The following ELOVL5 variants were observed in gnomAD, a reference collection of about 807,000 sequenced individuals.
ELOVL5 encodes the protein very long chain fatty acid elongase 5.
ELOVL5 carries 8 observed loss-of-function variants against 38.6 expected under a neutral mutation model. The observed-to-expected ratio is 0.21, with a 90% CI of 0.12 to 0.37. The LOEUF (loss-of-function observed/expected upper bound fraction) is 0.37, where lower values mean the gene tolerates loss of function less well. Among genes scored for constraint, ELOVL5 ranks in the 10% least tolerant of loss-of-function variants. The probability of loss-of-function intolerance (pLI) is 1.00; values close to 1 mark genes in which losing one functional copy is unlikely to be tolerated. For synonymous variants in ELOVL5, 127 were observed against 133.7 expected, an observed-to-expected ratio of 0.95 and a Z score of 0.34; for missense variants, 280 against 367.8, an observed-to-expected ratio of 0.76 and a Z score of 1.95.
chr6:53,275,655 T>C (rs1446917800), intron 4 of ELOVL5, among the ~76,000 whole-genome samples: 1 of 152,158 alleles, frequency 6.6e-6, no homozygotes, highest in East Asian at 1.9e-4. Flanking sequence ...GGGACTAACA[T>C]GGAGCAGCCG....
intron 1 of ELOVL5, among the ~76,000 whole-genome samples, chr6:53,339,681 C>T (rs552434378): frequency 1.3e-5 from 2 of 152,300 alleles, no homozygotes; most frequent in Admixed American, 6.5e-5. Flanking sequence ...TACTGCATAG[C>T]TAGACCTGTA....
chr6:53,305,179 C>T lies in ELOVL5; in HGVS notation c.-8-9472G>A, dbSNP rs1311566098. Among the ~76,000 whole-genome samples, 5 of 148,718 alleles carry T rather than the reference C, an allele frequency of 3.4e-5. 1 individual carries two copies. The highest frequency in any genetic ancestry group is 6.7e-3 in the Middle Eastern group (2 of 300). ...CTGACCCCCCCACCTCCCTCCCGGA[C>T]GGGGCGGCTGGCTGGGCGCGGGGCT... On this transcript the variant is annotated intron_variant, in intron 1 of 7. Coordinates refer to ENST00000304434, the MANE Select transcript of ELOVL5 (RefSeq NM_021814.5).
In ELOVL5 at chr6:53,273,215, C is replaced by T; in HGVS notation, c.621+5G>A. The T allele has an allele frequency of 6.2e-7, 1 of 1,613,546 alleles. No individual in the cohort carries two copies. Among genetic ancestry groups the T allele is most frequent in the Non-Finnish European group, 8.5e-7 (1 of 1,179,628 alleles). On this transcript the variant is annotated splice_donor_5th_base_variant and intron_variant, in intron 6 of 7. Transcript: ENST00000304434. Reference sequence around the variant, plus strand: ...AGTCCTGGGGAAAGAGGCCAAGTCACTCACCAGCTGCCCCTGAGTGATGTA... The same window carrying T: ...AGTCCTGGGGAAAGAGGCCAAGTCATTCACCAGCTGCCCCTGAGTGATGTA...
chr6:53,302,780 CA>C (rs1452612673), intron 1 of ELOVL5, among the ~76,000 whole-genome samples: 5 of 152,134 alleles, frequency 3.3e-5, no homozygotes, highest in Admixed American at 3.3e-4. Context: ...GCTTCTAAGG[CA>C]GCAGTCAGCT....
chr6:53,335,983 C>T (rs1402349970), intron 1 of ELOVL5, among the ~76,000 whole-genome samples: 2 of 152,190 alleles, frequency 1.3e-5, no homozygotes, highest in Non-Finnish European at 2.9e-5. Flanking sequence ...GAACCATCCA[C>T]CCTGCCTTTC....
chr6:53,292,187 C>A (rs1766802056), intron 2 of ELOVL5, among the ~76,000 whole-genome samples: 1 of 152,080 alleles, frequency 6.6e-6, no homozygotes, highest in Non-Finnish European at 1.5e-5. Context: ...GATTTTTGCT[C>A]AGTAAAATAA....
chr6:53,344,083 G>A (rs1041217226), intron 1 of ELOVL5, among the ~76,000 whole-genome samples: 17 of 152,216 alleles, frequency 1.1e-4, no homozygotes, highest in African/African-American at 3.9e-4. Context: ...GTGAAAAGCT[G>A]ACAATAGATG....
intron 3 of ELOVL5, among the ~76,000 whole-genome samples, chr6:53,277,486 T>C (rs1414708729): frequency 6.6e-6 from 1 of 152,216 alleles, no homozygotes; most frequent in African/African-American, 2.4e-5. Context: ...AGCCAGCTAA[T>C]TCCTGTGGGC....
chr6:53,317,940 AATG>A (rs1768127267), intron 1 of ELOVL5, among the ~76,000 whole-genome samples: 1 of 152,136 alleles, frequency 6.6e-6, no homozygotes, highest in Admixed American at 6.5e-5. Flanking sequence ...AGAACATAAT[AATG>A]ATAATAGCAA....
chr6:53,291,982 T>A lies in ELOVL5; in HGVS notation c.59-19A>T, dbSNP rs765465908. 1.1e-5 allele frequency: 16 copies of A among 1,410,840 alleles called. No individual in the cohort carries two copies. The East Asian group carries it at 3.4e-4, about 30-fold the overall frequency. The allele number at this position is 1,410,840 out of a possible 1,614,324, so 87.4% of individuals were successfully genotyped here. On this transcript the variant is annotated intron_variant, in intron 2 of 7. Transcript: ENST00000304434. ...CTAGTATCTGAAAAATTAAAAAAAA[T>A]TAATGATATATAAAAACATTCACAA...
chr6:53,313,627 G>C (rs2127583633), intron 1 of ELOVL5, among the ~76,000 whole-genome samples: 1 of 152,246 alleles, frequency 6.6e-6, no homozygotes, highest in Non-Finnish European at 1.5e-5. Flanking sequence ...CTCCCAAAGT[G>C]CTGGGATTAC....
intron 1 of ELOVL5, among the ~76,000 whole-genome samples, chr6:53,333,466 A>G (rs1288393111): frequency 6.6e-6 from 1 of 152,226 alleles, no homozygotes; most frequent in African/African-American, 2.4e-5. Flanking sequence ...GTTAGTAATG[A>G]GCAGGGCACC....
intron 1 of ELOVL5, among the ~76,000 whole-genome samples, chr6:53,342,843 G>C (rs980575175): frequency 9.9e-5 from 15 of 152,158 alleles, no homozygotes; most frequent in Admixed American, 9.8e-4. Flanking sequence ...ACTTCACACA[G>C]AACTGGCAGA....
At chr6:53,330,250 A>G (rs1768734713) in intron 1 of ELOVL5, among the ~76,000 whole-genome samples, 1 of 152,144 alleles carries the variant, frequency 6.6e-6, no homozygotes, top group African/African-American at 2.4e-5. Flanking sequence ...TAGCTCAACA[A>G]AGAAAAGGTA....
chr6:53,283,250 C>T (rs1480288190), intron 3 of ELOVL5, among the ~76,000 whole-genome samples: 1 of 152,150 alleles, frequency 6.6e-6, no homozygotes. Flanking sequence ...ACAAATTATT[C>T]TTTAGAAAAA....
rs572725949 is a variant in ELOVL5 at position 53,316,034 on chromosome 6, T to C, written c.-8-20327A>G. On this transcript the variant is annotated intron_variant, in intron 1 of 7. Transcript: ENST00000304434. ...TCCCAACTCATAAACATGGGGACAA[T>C]AATGCTTATACCTCATGGAGTTGCT... is the stretch of plus-strand genomic sequence containing the variant. 2.6e-5 allele frequency among the ~76,000 whole-genome samples: 4 copies of C among 152,322 alleles called. No individual in the cohort carries two copies. In the South Asian group the frequency reaches 8.3e-4, roughly 32 times the overall value.
chr6:53,322,857 T>G (rs1361032813), intron 1 of ELOVL5, among the ~76,000 whole-genome samples: 1 of 152,230 alleles, frequency 6.6e-6, no homozygotes, highest in African/African-American at 2.4e-5. Context: ...GCTTCACTAA[T>G]GAGTTAAGAG....
At chr6:53,338,579 G>A (rs1263006578) in intron 1 of ELOVL5, among the ~76,000 whole-genome samples, 1 of 151,630 alleles carries the variant, frequency 6.6e-6, no homozygotes, top group Non-Finnish European at 1.5e-5. Context: ...GGCCAAGGTA[G>A]GTAACAGACA....
At chr6:53,304,899 AC>A (rs1767421272) in intron 1 of ELOVL5, among the ~76,000 whole-genome samples, 1 of 152,040 alleles carries the variant, frequency 6.6e-6, no homozygotes, top group South Asian at 2.1e-4. Context: ...ATTCCACAAA[AC>A]CACCATTGTC....
Sources: allele counts gnomAD v4.1 joint callset (sites outside exome capture counted in the v4.1 genomes callset), GRCh38; gene constraint gnomAD v4.1.1; transcripts MANE v1.5; gene names NCBI Gene and HGNC (gene_info 2026-07-23, HGNC 2026-07-21).